The following MTMR14 variants were observed in gnomAD, a reference collection of about 807,000 sequenced individuals.
The protein encoded by MTMR14 is myotubularin related protein 14.
A neutral mutation model predicts 86.3 loss-of-function variants in MTMR14; 48 were observed. The observed-to-expected ratio is 0.56, with a 90% CI of 0.44 to 0.71. The LOEUF is 0.71. Among genes scored for constraint, MTMR14 ranks in the 30% least tolerant of loss-of-function variants. The pLI is 0.00. For missense variants in MTMR14, 780 were observed against 834.6 expected (o/e 0.93, Z 0.81); for synonymous variants, 366 against 326.1 (o/e 1.12, Z -1.32).
chr3:9,672,828 C>G, intron 7 of MTMR14, 70 bp downstream of exon 7: 1 of 1,431,314 alleles, frequency 7.0e-7, no homozygotes, highest in Non-Finnish European at 9.9e-7. Flanking sequence ...CAAGCCCTCT[C>G]TACTTAGTTA....
chr3:9,689,025 G>T lies in MTMR14; in HGVS notation c.1376G>T (p.Ser459Ile). 1 of 1,613,944 alleles carries T rather than the reference G, an allele frequency of 6.2e-7. No homozygotes were observed. The highest frequency in any genetic ancestry group is 2.2e-5 in the East Asian group (1 of 44,886). ...VMESSPGATG[S>I]FTYEAVELVP... ...GAGAGTTCCCCAGGAGCCACTGGGA[G>T]CTTCACCTATGAGGCCGTGGAGCTG... The change falls in exon 16 of 19, where the codon AGC becomes ATC. Residue 459 changes from serine (S) to isoleucine (I), a missense_variant. Physicochemically the swap from Ser to Ile is moderately radical, Grantham distance 142 (BLOSUM62 -2). Coordinates refer to ENST00000296003, the MANE Select transcript of MTMR14 (RefSeq NM_001077525.3).
chr3:9,689,687 A>G (rs970548580), intron 16 of MTMR14, among the ~76,000 whole-genome samples: 2 of 152,232 alleles, frequency 1.3e-5, no homozygotes, highest in Non-Finnish European at 2.9e-5. Context: ...AAGATTTTGC[A>G]TAACATATGG....
At chr3:9,691,026 C>G (rs2125332604) in intron 17 of MTMR14, among the ~76,000 whole-genome samples, 2 of 152,336 alleles carry the variant, frequency 1.3e-5, no homozygotes, top group South Asian at 4.1e-4. Flanking sequence ...TCTGAAACTT[C>G]TGGAACCTTC....
chr3:9,668,329 T>A (rs779188989), intron 3 of MTMR14, among the ~76,000 whole-genome samples: 13 of 152,220 alleles, frequency 8.5e-5, no homozygotes, highest in Non-Finnish European at 1.9e-4. Context: ...TTAGCCTGTT[T>A]TTCTTTTCTT....
chr3:9,672,822 C>A, intron 7 of MTMR14, 64 bp downstream of exon 7: 1 of 1,471,138 alleles, frequency 6.8e-7, no homozygotes, highest in Non-Finnish European at 9.5e-7. Context: ...CATGAGCAAG[C>A]CCTCTCTACT....
intron 13 of MTMR14, among the ~76,000 whole-genome samples, chr3:9,687,361 C>G (rs553611662): frequency 1.3e-5 from 2 of 152,202 alleles, no homozygotes; most frequent in African/African-American, 4.8e-5. Context: ...TGAGACCATC[C>G]TGGCTAACAC....
chr3:9,665,723 C>A (rs999176527), intron 3 of MTMR14, among the ~76,000 whole-genome samples: 7 of 151,220 alleles, frequency 4.6e-5, no homozygotes, highest in East Asian at 3.9e-4. Flanking sequence ...TACTTCATTT[C>A]ATTTTAATTT....
At chr3:9,659,799 A>G (rs1359330308) in intron 2 of MTMR14, 1 of 456,634 alleles carries the variant, frequency 2.2e-6, no homozygotes, top group Admixed American at 2.3e-5. Flanking sequence ...TGGCCGACCT[A>G]ACAAGAAAAG....
intron 3 of MTMR14, among the ~76,000 whole-genome samples, chr3:9,666,209 C>T (rs571342667): frequency 2.0e-5 from 3 of 148,838 alleles, no homozygotes; most frequent in Non-Finnish European, 4.4e-5. Context: ...TCTTGGCTCA[C>T]TGTAACCTCT....
At chr3:9,697,082 C>A (rs773152222) in intron 17 of MTMR14, among the ~76,000 whole-genome samples, 1 of 152,158 alleles carries the variant, frequency 6.6e-6, no homozygotes, top group African/African-American at 2.4e-5. Flanking sequence ...CTGATTCATC[C>A]CTTCCCTCTG....
At chr3:9,657,247 A>G (rs1020458636) in intron 2 of MTMR14, among the ~76,000 whole-genome samples, 3 of 152,156 alleles carry the variant, frequency 2.0e-5, no homozygotes, top group African/African-American at 7.2e-5. Flanking sequence ...GAGTGAATCA[A>G]CTGGGGATCT....
At chr3:9,688,303 G>A (rs930793813) in intron 14 of MTMR14, among the ~76,000 whole-genome samples, 2 of 152,220 alleles carry the variant, frequency 1.3e-5, no homozygotes, top group Non-Finnish European at 2.9e-5. Flanking sequence ...CTACAAAAGG[G>A]CAGAAGTCTG....
intron 9 of MTMR14, among the ~76,000 whole-genome samples, chr3:9,679,076 A>G (rs1002902252): frequency 4.6e-5 from 7 of 152,190 alleles, no homozygotes; most frequent in African/African-American, 1.7e-4. Context: ...TAGATCACCA[A>G]TGTCAGTACC....
rs115863991 is a variant in MTMR14 at position 9,668,192 on chromosome 3, G to A, written c.418-527G>A. ...CATTTCTCACTCACCCCTTGCCCCC[G>A]CTAGAAAGGTTGTTCCTGTCTACAC... is the stretch of plus-strand genomic sequence containing the variant. On this transcript the variant is annotated intron_variant, in intron 3 of 18. Transcript: ENST00000296003. Among the ~76,000 whole-genome samples the A allele has an allele frequency of 3.3e-3, 503 of 152,284 alleles. 2 individuals carry two copies. Among genetic ancestry groups the A allele is most frequent in the South Asian group, 7.5e-3 (36 of 4,830 alleles).
chr3:9,650,663 T>G (rs1036927455), intron 1 of MTMR14: 9 of 207,982 alleles, frequency 4.3e-5, no homozygotes. Context: ...ACCACCTGTT[T>G]AATGATCATC....
At chr3:9,689,105 A>G (rs2076058400) in intron 16 of MTMR14, 23 bp downstream of exon 16, 14 of 1,606,512 alleles carry the variant, frequency 8.7e-6, no homozygotes, top group Non-Finnish European at 1.2e-5. Flanking sequence ...ACTTGGACCA[A>G]GGTCACTCAC....
intron 9 of MTMR14, among the ~76,000 whole-genome samples, chr3:9,681,051 C>T (rs2075752159): frequency 1.3e-5 from 2 of 152,216 alleles, no homozygotes; most frequent in Non-Finnish European, 2.9e-5. Flanking sequence ...TTTAGTTGCA[C>T]ACCTGCAGTG....
chr3:9,652,117 A>G (rs1221639779), intron 1 of MTMR14, among the ~76,000 whole-genome samples: 7 of 152,172 alleles, frequency 4.6e-5, no homozygotes, highest in African/African-American at 1.7e-4. Flanking sequence ...GGCATGAGCC[A>G]CTGCACCCAG....
In MTMR14 at chr3:9,686,104, G is replaced by A. The variant is rs748643998; in HGVS notation, c.1164+857G>A. Reference sequence around the variant, plus strand: ...GCTTCCTTCCTGGGCATCTTATCTCGCACCTCCTCCTTTTGTTCCTCCGTC... The same window carrying A: ...GCTTCCTTCCTGGGCATCTTATCTCACACCTCCTCCTTTTGTTCCTCCGTC... On this transcript the variant is annotated intron_variant, in intron 13 of 18. Coordinates refer to ENST00000296003, the MANE Select transcript of MTMR14 (RefSeq NM_001077525.3). Among the ~76,000 whole-genome samples the A allele has an allele frequency of 3.9e-5, 6 of 152,110 alleles. No homozygotes were observed. The East Asian group carries it at 5.8e-4, about 15-fold the overall frequency.
Sources: gnomAD v4.1 joint callset for allele counts (sites outside exome capture counted in the v4.1 genomes callset) on GRCh38, gnomAD v4.1.1 for gene constraint, MANE v1.5 for transcripts, NCBI Gene and HGNC (gene_info 2026-07-23, HGNC 2026-07-21) for gene names.